Variants in HDAC9 observed in about 807,000 individuals in gnomAD.
HDAC9 encodes MEF-2 interacting transcription repressor (MITR) protein.
A neutral mutation model predicts 139.4 loss-of-function variants in HDAC9; 41 were observed. The ratio of observed to expected loss-of-function variants is 0.29; its 90% CI spans 0.23 to 0.38. The LOEUF (loss-of-function observed/expected upper bound fraction) is 0.38. Among genes scored for constraint, HDAC9 ranks in the 10% least tolerant of loss-of-function variants. The probability of loss-of-function intolerance (pLI) is 1.00; values close to 1 mark genes in which losing one functional copy is unlikely to be tolerated. For synonymous variants in HDAC9, 517 were observed against 476.2 expected (o/e 1.09, Z -1.12); for missense variants, 1,147 against 1,297.0 (o/e 0.88, Z 1.78).
intron 1 of HDAC9, among the ~76,000 whole-genome samples, chr7:18,328,038 G>C (rs911224693): frequency 6.6e-6 from 1 of 151,942 alleles, no homozygotes; most frequent in Non-Finnish European, 1.5e-5. Flanking sequence ...GAAAACATCA[G>C]AGTGGAAATG....
At chr7:18,390,587 C>T (rs1240890650) in intron 1 of HDAC9, among the ~76,000 whole-genome samples, 1 of 152,160 alleles carries the variant, frequency 6.6e-6, no homozygotes, top group Non-Finnish European at 1.5e-5. Flanking sequence ...CTTTTTCCTG[C>T]TCATAAAACC....
At chr7:18,470,689 G>A (rs963688959) in intron 1 of HDAC9, among the ~76,000 whole-genome samples, 3 of 152,088 alleles carry the variant, frequency 2.0e-5, no homozygotes, top group African/African-American at 7.2e-5. Flanking sequence ...ATAAATGGGC[G>A]TGGCCATATT....
intron 21 of HDAC9, among the ~76,000 whole-genome samples, chr7:18,857,646 A>G (rs1460225117): frequency 1.3e-5 from 2 of 152,108 alleles, no homozygotes; most frequent in Non-Finnish European, 1.5e-5. Flanking sequence ...GAGTTGCTTC[A>G]TCCATGCCAT....
At chr7:18,127,796 T>C (rs1189213075) in intron 1 of HDAC9, among the ~76,000 whole-genome samples, 1 of 152,086 alleles carries the variant, frequency 6.6e-6, no homozygotes, top group Non-Finnish European at 1.5e-5. Context: ...AACCTGTTGG[T>C]GACTTTATGT....
At chr7:18,252,589 C>G (rs989357555) in intron 2 of HDAC9, among the ~76,000 whole-genome samples, 1 of 152,088 alleles carries the variant, frequency 6.6e-6, no homozygotes, top group Non-Finnish European at 1.5e-5. Context: ...GTATATAATT[C>G]ATTTTTTAAC....
chr7:18,144,101 A>G (rs1047879619), intron 1 of HDAC9, among the ~76,000 whole-genome samples: 1 of 152,218 alleles, frequency 6.6e-6, no homozygotes, highest in African/African-American at 2.4e-5. Flanking sequence ...AATAAATAAT[A>G]AAAGCAGTGT....
chr7:18,964,376 T>G (rs1783716618), intron 24 of HDAC9, among the ~76,000 whole-genome samples: 1 of 152,178 alleles, frequency 6.6e-6, no homozygotes, highest in Non-Finnish European at 1.5e-5. Context: ...TTTTTTAATT[T>G]CATAGAATGC....
Position 18,928,209 on chromosome 7 carries a change from A to G in HDAC9, c.2804-7600A>G, listed in dbSNP as rs147769995. On this transcript the variant is annotated intron_variant, in intron 22 of 25. Transcript: ENST00000686413. ...GCATTAACTCAGTTTTGGCCTCCAT[A>G]GAGACTTCCAATTCCATTTGCAATT... Among the ~76,000 whole-genome samples, 202 of 152,328 alleles carry G rather than the reference A, an allele frequency of 1.3e-3. 8 individuals are homozygous for G. In the East Asian group the frequency reaches 0.036, roughly 27 times the overall value.
intron 1 of HDAC9, among the ~76,000 whole-genome samples, chr7:18,411,613 G>A (rs549152502): frequency 6.6e-6 from 1 of 152,120 alleles, no homozygotes; most frequent in East Asian, 1.9e-4. Flanking sequence ...CTGACCTCGT[G>A]ATCTGCCTGC....
chr7:18,139,327 A>G (rs1270914704), intron 1 of HDAC9, among the ~76,000 whole-genome samples: 4 of 151,682 alleles, frequency 2.6e-5, no homozygotes, highest in Non-Finnish European at 5.9e-5. Flanking sequence ...GGGTTTTGTC[A>G]TGTTGCCCAG....
At chr7:18,237,449 G>A (rs79837938) in intron 2 of HDAC9, among the ~76,000 whole-genome samples, 2,182 of 152,168 alleles carry the variant, frequency 0.014, 56 homozygotes, top group African/African-American at 0.05. Flanking sequence ...TGGTTATTTC[G>A]AATAAATGGG....
chr7:18,263,833 G>A (rs1231244412), intron 2 of HDAC9, among the ~76,000 whole-genome samples: 1 of 152,022 alleles, frequency 6.6e-6, no homozygotes, highest in Non-Finnish European at 1.5e-5. Context: ...TCACCAGTCT[G>A]GTCTTGAACC....
intron 16 of HDAC9, among the ~76,000 whole-genome samples, chr7:18,785,271 A>G (rs150586831): frequency 2.0e-4 from 30 of 152,178 alleles, no homozygotes; most frequent in African/African-American, 6.5e-4. Flanking sequence ...AGTAGACAGA[A>G]TTATTTGGAC....
intron 2 of HDAC9, among the ~76,000 whole-genome samples, chr7:18,223,511 T>A (rs967340173): frequency 3.3e-5 from 5 of 151,914 alleles, no homozygotes; most frequent in African/African-American, 1.2e-4. Flanking sequence ...TAATCACTTA[T>A]CCAAGGCTAC....
At chr7:18,121,188 G>T (rs1278310149) in intron 1 of HDAC9, among the ~76,000 whole-genome samples, 1 of 152,164 alleles carries the variant, frequency 6.6e-6, no homozygotes, top group Non-Finnish European at 1.5e-5. Flanking sequence ...TTTTATGAGT[G>T]GGAAGTGTGG....
chr7:18,140,158 C>G (rs1453511037), intron 1 of HDAC9, among the ~76,000 whole-genome samples: 1 of 152,078 alleles, frequency 6.6e-6, no homozygotes, highest in Non-Finnish European at 1.5e-5. Context: ...AAATAAAATT[C>G]ATATCTTCCC....
At chr7:18,355,838 T>C (rs1783216413) in intron 1 of HDAC9, among the ~76,000 whole-genome samples, 1 of 152,114 alleles carries the variant, frequency 6.6e-6, no homozygotes. Context: ...AATTCTAAAC[T>C]TCTCTGTTTT....
At position 18,395,618 on chromosome 7, in the gene HDAC9, A is replaced by AT. The variant is rs760781864; in HGVS notation, c.-41-100638dup. 5.3e-4 allele frequency among the ~76,000 whole-genome samples: 80 copies of AT among 150,898 alleles called. 1 individual carries two copies. Among genetic ancestry groups the AT allele is most frequent in the Non-Finnish European group, 8.9e-4 (60 of 67,744 alleles). On this transcript the variant is annotated intron_variant, in intron 1 of 3. Transcript: ENST00000413509. ...TGTTAGAGTATTCTCAAGTTTGATT[A>AT]TTTTTTCCTGAGATTGGATTTCTTT...
chr7:18,356,259 C>T (rs1783260808), intron 1 of HDAC9, among the ~76,000 whole-genome samples: 1 of 148,074 alleles, frequency 6.8e-6, no homozygotes, highest in South Asian at 2.2e-4. Flanking sequence ...TTAGGTCATA[C>T]ATTTGGCAAA....
Sources: allele counts gnomAD v4.1 joint callset (sites outside exome capture counted in the v4.1 genomes callset), GRCh38; gene constraint gnomAD v4.1.1; transcripts MANE v1.5; gene names NCBI Gene and HGNC (gene_info 2026-07-23, HGNC 2026-07-21).